The following CNBD1 variants were observed in gnomAD, a reference collection of about 807,000 sequenced individuals.
The protein encoded by CNBD1 is cyclic nucleotide binding domain containing 1, also known as cyclic nucleotide-binding domain-containing protein 1.
CNBD1 carries 71 observed loss-of-function variants against 54.4 expected under a neutral mutation model. The observed-to-expected ratio is 1.30, with a 90% CI of 1.08 to 1.59. The LOEUF is 1.59. CNBD1 is among the 40% of genes most tolerant of loss of function. CNBD1 has a pLI of 0.00. For missense variants in CNBD1, 659 were observed against 518.0 expected, an observed-to-expected ratio of 1.27 and a Z score of -2.64; for synonymous variants, 182 against 170.7, an observed-to-expected ratio of 1.07 and a Z score of -0.51.
chr8:87,189,422 T>C (rs567012944), intron 4 of CNBD1, among the ~76,000 whole-genome samples: 1 of 152,276 alleles, frequency 6.6e-6, no homozygotes, highest in East Asian at 1.9e-4. Context: ...AAGCCTATTA[T>C]TTTCTTCAAT....
intron 8 of CNBD1, among the ~76,000 whole-genome samples, chr8:87,330,231 C>CTCTCT (rs77052306): frequency 7.6e-6 from 1 of 130,776 alleles, no homozygotes; most frequent in African/African-American, 2.8e-5. Flanking sequence ...TTCCTTCTCT[C>CTCTCT]TTTTTTTTTT....
intron 2 of CNBD1, among the ~76,000 whole-genome samples, chr8:87,402,413 C>T (rs1204905615): frequency 1.3e-5 from 2 of 152,008 alleles, no homozygotes; most frequent in African/African-American, 4.8e-5. Flanking sequence ...ACTGCCCTGC[C>T]TCTGGATTAA....
intron 10 of CNBD1, among the ~76,000 whole-genome samples, chr8:87,362,019 G>A (rs569627335): frequency 1.9e-4 from 29 of 152,122 alleles, no homozygotes; most frequent in Middle Eastern, 3.4e-3. Flanking sequence ...GTTTAAGAAT[G>A]TCTGTCATTC....
At chr8:87,421,582 A>G (rs1258880381) in intron 2 of CNBD1, among the ~76,000 whole-genome samples, 4 of 152,012 alleles carry the variant, frequency 2.6e-5, no homozygotes, top group East Asian at 1.9e-4. Flanking sequence ...GATTTCATCC[A>G]TGTCCCTACA....
intron 2 of CNBD1, among the ~76,000 whole-genome samples, chr8:87,396,892 T>C (rs1368941190): frequency 3.4e-5 from 1 of 29,076 alleles, no homozygotes; most frequent in Non-Finnish European, 7.2e-5. Context: ...GTTTGTTTTC[T>C]TTTTTTTTTT....
At chr8:87,052,511 C>T (rs1283806008) in intron 4 of CNBD1, among the ~76,000 whole-genome samples, 2 of 152,300 alleles carry the variant, frequency 1.3e-5, no homozygotes, top group Non-Finnish European at 2.9e-5. Context: ...TGTTTTCTTT[C>T]CCACTCATGT....
chr8:87,054,300 A>C (rs548468671), intron 4 of CNBD1, among the ~76,000 whole-genome samples: 140 of 152,318 alleles, frequency 9.2e-4, no homozygotes, highest in Non-Finnish European at 1.7e-3. Flanking sequence ...ATGCCTCCCC[A>C]CAAGAAAAAA....
At chr8:87,402,768 G>A (rs1807587873) in intron 2 of CNBD1, among the ~76,000 whole-genome samples, 1 of 152,070 alleles carries the variant, frequency 6.6e-6, no homozygotes, top group African/African-American at 2.4e-5. Flanking sequence ...GAAATGGAAA[G>A]ACTGGTACTC....
At chr8:87,377,805 C>T (rs1340447061) in intron 10 of CNBD1, among the ~76,000 whole-genome samples, 24 of 148,108 alleles carry the variant, frequency 1.6e-4, no homozygotes, top group Non-Finnish European at 2.5e-4. Context: ...CACATCCTCT[C>T]CAGCACCTGT....
intron 2 of CNBD1, among the ~76,000 whole-genome samples, chr8:86,899,694 G>T (rs1808904020): frequency 6.6e-6 from 1 of 152,106 alleles, no homozygotes; most frequent in African/African-American, 2.4e-5. Context: ...GCTTATGGCA[G>T]CTTGTCTTTC....
chr8:87,208,222 T>A (rs1044007188), intron 5 of CNBD1, among the ~76,000 whole-genome samples: 3 of 152,306 alleles, frequency 2.0e-5, no homozygotes, highest in East Asian at 1.9e-4. Context: ...AGCCTCATTA[T>A]TTAATAAAGC....
At chr8:87,285,111 AAT>A (rs1179050598) in intron 7 of CNBD1, among the ~76,000 whole-genome samples, 19 of 152,214 alleles carry the variant, frequency 1.2e-4, no homozygotes, top group African/African-American at 4.3e-4. Flanking sequence ...TCATTCAACA[AAT>A]ATGTGTTTTG....
intron 2 of CNBD1, among the ~76,000 whole-genome samples, chr8:87,400,464 G>A (rs1807537009): frequency 6.6e-6 from 1 of 151,956 alleles, no homozygotes; most frequent in African/African-American, 2.4e-5. Flanking sequence ...TGAAATAAGA[G>A]CAGTATCTTA....
At chr8:86,970,995 A>G (rs1004423208) in intron 4 of CNBD1, among the ~76,000 whole-genome samples, 1 of 152,142 alleles carries the variant, frequency 6.6e-6, no homozygotes, top group Non-Finnish European at 1.5e-5. Flanking sequence ...AAAAATCTTC[A>G]TGTTATCTTT....
chr8:87,368,038 T>G (rs372629534), intron 10 of CNBD1, among the ~76,000 whole-genome samples: 1 of 152,056 alleles, frequency 6.6e-6, no homozygotes, highest in Non-Finnish European at 1.5e-5. Flanking sequence ...GATGTGCACC[T>G]GTAGTCGCAG....
chr8:86,953,118 TTATC>T (rs1302932970), intron 4 of CNBD1, among the ~76,000 whole-genome samples: 3 of 152,226 alleles, frequency 2.0e-5, no homozygotes, highest in East Asian at 1.9e-4. Context: ...ATACCATAGT[TTATC>T]TAAGTATATG....
chr8:87,158,401 C>T (rs1308602611), intron 4 of CNBD1, among the ~76,000 whole-genome samples: 5 of 152,152 alleles, frequency 3.3e-5, no homozygotes, highest in Non-Finnish European at 1.5e-5. Context: ...ATAAAAATTA[C>T]TATCAGCATG....
chr8:87,040,023 C>T (rs541631609), intron 4 of CNBD1, among the ~76,000 whole-genome samples: 3 of 152,314 alleles, frequency 2.0e-5, no homozygotes, highest in Non-Finnish European at 1.5e-5. Flanking sequence ...ATATCTCAAA[C>T]ACTGATCTTT....
intron 6 of CNBD1, among the ~76,000 whole-genome samples, chr8:87,246,471 C>G (rs1159506109): frequency 5.9e-5 from 9 of 152,114 alleles, no homozygotes; most frequent in Non-Finnish European, 1.0e-4. Flanking sequence ...AGAATTTGGT[C>G]TTAATCTCTG....
Sources: allele counts gnomAD v4.1 joint callset (sites outside exome capture counted in the v4.1 genomes callset), GRCh38; gene constraint gnomAD v4.1.1; transcripts MANE v1.5; gene names NCBI Gene and HGNC (gene_info 2026-07-23, HGNC 2026-07-21).